AAK1: variants seen among roughly 807,000 people sequenced by gnomAD.
The protein encoded by AAK1 is AP2-associated protein kinase 1.
A neutral mutation model predicts 116.0 loss-of-function variants in AAK1; 37 were observed. The observed-to-expected ratio is 0.32, with a 90% CI of 0.25 to 0.42. The LOEUF is 0.42. Among genes scored for constraint, AAK1 ranks in the 10% least tolerant of loss-of-function variants. The pLI is 1.00. For synonymous variants in AAK1, 458 were observed against 439.9 expected (o/e 1.04, Z -0.51); for missense variants, 919 against 1,170.6 (o/e 0.79, Z 3.14).
intron 2 of AAK1, among the ~76,000 whole-genome samples, chr2:69,642,266 T>G (rs1054262569): frequency 4.0e-5 from 6 of 151,872 alleles, no homozygotes; most frequent in Admixed American, 6.6e-5. Flanking sequence ...CTAGACTGAG[T>G]TCAAAATAAC....
chr2:69,570,298 C>CT (rs1672042638), intron 2 of AAK1, among the ~76,000 whole-genome samples: 1 of 151,492 alleles, frequency 6.6e-6, no homozygotes, highest in South Asian at 2.1e-4. Flanking sequence ...CAGTCTTCTG[C>CT]TTGACAAAAT....
At chr2:69,490,671 A>T (rs1675486227) in intron 17 of AAK1, among the ~76,000 whole-genome samples, 1 of 151,914 alleles carries the variant, frequency 6.6e-6, no homozygotes, top group Non-Finnish European at 1.5e-5. Context: ...GGGGAAATAG[A>T]GAGTTGTTGT....
Position 69,475,329 on chromosome 2 carries a change from C to A in AAK1, c.*540G>T, listed in dbSNP as rs1674812647. 1 of 986,232 alleles carries A rather than the reference C, an allele frequency of 1.0e-6. No homozygotes were observed. Among genetic ancestry groups the A allele is most frequent in the Non-Finnish European group, 1.2e-6 (1 of 830,380 alleles). The allele number at this position is 986,232 out of a possible 1,614,324, so 61.1% of individuals were successfully genotyped here. On this transcript the variant is annotated 3_prime_UTR_variant, in exon 22 of 22. Coordinates refer to ENST00000409085, the MANE Select transcript of AAK1 (RefSeq NM_014911.5). ...TATACTACCAGTCAGTAAGTTTTACCCTTTCTTAAACCACACACCCATCTC... is the reference window on the plus strand; with the variant it reads ...TATACTACCAGTCAGTAAGTTTTACACTTTCTTAAACCACACACCCATCTC...
At position 69,509,424 on chromosome 2, in the gene AAK1, T is replaced by C; in HGVS notation, c.1813A>G (p.Thr605Ala). The C allele has an allele frequency of 6.2e-7, 1 of 1,613,902 alleles. No individual in the cohort carries two copies. The highest frequency in any genetic ancestry group is 8.5e-7 in the Non-Finnish European group (1 of 1,179,864). The change falls in exon 14 of 22, where the codon ACA (threonine) becomes GCA (alanine). Residue 605 changes from threonine to alanine, a missense_variant. Transcript: ENST00000409085. ...APVRQQPKVQ[T>A]TPPPAVQGQK... ...CCCTGGACGGCAGGAGGTGGGGTTG[T>C]CTGAACCTTTGGCTGTTGTCTTACT...
At chr2:69,525,256 T>C in intron 9 of AAK1, 144 bp from the exon 10 acceptor site, 1 of 725,804 alleles carries the variant, frequency 1.4e-6, no homozygotes, top group Non-Finnish European at 2.3e-6. Flanking sequence ...CTGAGCTCTG[T>C]CTGGTAGAGG....
chr2:69,472,298 G>T lies in AAK1; in HGVS notation c.*3571C>A. ...TAAATGTTACTCAGAACCAAGAGTA[G>T]TAGAAAAAGTAGACAAAGAAAGAAT... On this transcript the variant is annotated 3_prime_UTR_variant, in exon 22 of 22. Transcript: ENST00000409085. 2.7e-6 allele frequency: 1 copy of T among 366,908 alleles called. No individual in the cohort carries two copies. Among genetic ancestry groups the T allele is most frequent in the Non-Finnish European group, 3.8e-6 (1 of 264,790 alleles). 22.7% of individuals were successfully genotyped at this position (366,908 alleles called of 1,614,324 possible).
chr2:69,542,388 C>T (rs1445131989), intron 5 of AAK1, 135 bp downstream of exon 5: 1 of 1,120,704 alleles, frequency 8.9e-7, no homozygotes, highest in East Asian at 2.6e-5. Context: ...ATTTTCTCTC[C>T]TCAGGCAGAA....
chr2:69,480,090 GA>G (rs1250862211), intron 19 of AAK1, among the ~76,000 whole-genome samples: 2 of 152,034 alleles, frequency 1.3e-5, no homozygotes, highest in East Asian at 3.8e-4. Flanking sequence ...ATTGTTTTCT[GA>G]GAAGTTTTCT....
At chr2:69,606,120 C>T (rs1673786760) in intron 2 of AAK1, among the ~76,000 whole-genome samples, 1 of 152,188 alleles carries the variant, frequency 6.6e-6, no homozygotes, top group African/African-American at 2.4e-5. Context: ...CTCAGAAGAA[C>T]CATCTTTAAG....
intron 1 of AAK1, 123 bp downstream of exon 1, chr2:69,643,452 C>T: frequency 1.7e-6 from 2 of 1,201,450 alleles, no homozygotes; most frequent in Non-Finnish European, 2.1e-6. Flanking sequence ...GACCCCCGAG[C>T]CGGGAGCTCG....
At position 69,459,388 on chromosome 2, in the gene AAK1, C is replaced by CTGGG. The variant is rs1674287313; in HGVS notation, c.*16480_*16481insCCCA. On this transcript the variant is annotated 3_prime_UTR_variant, in exon 22 of 22. Coordinates refer to ENST00000409085, the MANE Select transcript of AAK1 (RefSeq NM_014911.5). The stretch of plus-strand genomic sequence containing the variant: ...AAGCCATCCTCCCACCTAAGCCTCC[C>CTGGG]AAGTAGCTGGGACTACAGGTGTGCA... The CTGGG allele has an allele frequency of 6.6e-6, 1 of 152,408 alleles. No homozygotes were observed. Among genetic ancestry groups the CTGGG allele is most frequent in the African/African-American group, 2.4e-5 (1 of 41,418 alleles). 9.4% of individuals were successfully genotyped at this position (152,408 alleles called of 1,614,324 possible). A position where few individuals can be genotyped will look rare whatever the true frequency, so the allele number is the denominator to read the frequency against.
In AAK1 at chr2:69,467,788, G is replaced by A; in HGVS notation, c.*8081C>T. Reference sequence around the variant, plus strand: ...TAAGCACACAGACCACAGCAGAAGAGGCATTAAAATCAGTTTATTGGGAAA... The same window carrying A: ...TAAGCACACAGACCACAGCAGAAGAAGCATTAAAATCAGTTTATTGGGAAA... On this transcript the variant is annotated 3_prime_UTR_variant, in exon 22 of 22. Transcript: ENST00000409085. 5 of 985,316 alleles carry A rather than the reference G, an allele frequency of 5.1e-6. No individual in the cohort carries two copies. Among genetic ancestry groups the A allele is most frequent in the Non-Finnish European group, 6.0e-6 (5 of 829,908 alleles). The allele number at this position is 985,316 out of a possible 1,614,324, so 61.0% of individuals were successfully genotyped here.
At chr2:69,555,140 G>A (rs1027805541) in intron 3 of AAK1, among the ~76,000 whole-genome samples, 2 of 152,202 alleles carry the variant, frequency 1.3e-5, no homozygotes, top group Admixed American at 6.5e-5. Flanking sequence ...GCATGGGCAA[G>A]GAGGGAGGAA....
chr2:69,557,280 T>C (rs1201501316), intron 2 of AAK1, among the ~76,000 whole-genome samples: 2 of 151,796 alleles, frequency 1.3e-5, no homozygotes, highest in Non-Finnish European at 2.9e-5. Context: ...TAGTACTACA[T>C]TACAAGTACT....
At chr2:69,643,444 C>T in intron 1 of AAK1, 131 bp downstream of exon 1, 1 of 1,188,514 alleles carries the variant, frequency 8.4e-7, no homozygotes, top group Non-Finnish European at 1.1e-6. Context: ...GAACCCGGGA[C>T]CCCCGAGCCG....
At chr2:69,515,324 T>C (rs1256362537) in intron 12 of AAK1, among the ~76,000 whole-genome samples, 2 of 152,150 alleles carry the variant, frequency 1.3e-5, no homozygotes, top group African/African-American at 4.8e-5. Flanking sequence ...TGACGCTTCC[T>C]TTTGTTTGTT....
intron 2 of AAK1, among the ~76,000 whole-genome samples, chr2:69,615,523 C>A (rs745580818): frequency 1.3e-5 from 2 of 152,218 alleles, no homozygotes; most frequent in African/African-American, 2.4e-5. Flanking sequence ...AGGACCTCCC[C>A]AATCCTCCCT....
Position 69,617,495 on chromosome 2 carries a change from C to T in AAK1, c.163+25383G>A, listed in dbSNP as rs567706099. 5.3e-5 allele frequency among the ~76,000 whole-genome samples: 8 copies of T among 152,294 alleles called. No individual in the cohort carries two copies. In the South Asian group the frequency reaches 1.7e-3, roughly 32 times the overall value. ...AATGCATTAATTTAATACCTACTTCCTAAATACCTACTTATTAAAAGCATA... is the reference window on the plus strand; with the variant it reads ...AATGCATTAATTTAATACCTACTTCTTAAATACCTACTTATTAAAAGCATA... On this transcript the variant is annotated intron_variant, in intron 2 of 21. Transcript: ENST00000409085.
chr2:69,623,166 G>A (rs906876408), intron 2 of AAK1, among the ~76,000 whole-genome samples: 7 of 152,168 alleles, frequency 4.6e-5, no homozygotes, highest in Middle Eastern at 3.4e-3. Flanking sequence ...CTGAGCTAGC[G>A]AGACCACGAA....
Sources: allele counts gnomAD v4.1 joint callset (sites outside exome capture counted in the v4.1 genomes callset), GRCh38; gene constraint gnomAD v4.1.1; transcripts MANE v1.5; gene names NCBI Gene and HGNC (gene_info 2026-07-23, HGNC 2026-07-21).